Variants in ARHGAP15 observed in about 807,000 individuals in gnomAD.
ARHGAP15 encodes rho GTPase-activating protein 15.
Under a neutral mutation model 63.7 loss-of-function variants are expected in ARHGAP15, and 51 were observed. The observed-to-expected ratio is 0.80, with a 90% CI of 0.64 to 1.01. The LOEUF (loss-of-function observed/expected upper bound fraction) is 1.01, where lower values mean the gene tolerates loss of function less well. Among genes scored for constraint, ARHGAP15 ranks in the 50% least tolerant of loss-of-function variants. The pLI is 0.00. For synonymous variants in ARHGAP15, 191 were observed against 193.8 expected, an observed-to-expected ratio of 0.99 and a Z score of 0.12; for missense variants, 560 against 564.6, an observed-to-expected ratio of 0.99 and a Z score of 0.08.
At chr2:143,366,590 T>A (rs546175029) in intron 6 of ARHGAP15, among the ~76,000 whole-genome samples, 5 of 152,250 alleles carry the variant, frequency 3.3e-5, no homozygotes, top group Non-Finnish European at 7.4e-5. Flanking sequence ...TGGTATCGAC[T>A]TTTTGTGAAT....
At chr2:143,144,032 C>T (rs899949974) in intron 1 of ARHGAP15, among the ~76,000 whole-genome samples, 2 of 151,954 alleles carry the variant, frequency 1.3e-5, no homozygotes, top group African/African-American at 2.4e-5. Flanking sequence ...TTTTCTGTTC[C>T]TGTGTTAGTT....
chr2:143,287,228 A>G (rs1309032092), intron 6 of ARHGAP15, among the ~76,000 whole-genome samples: 1 of 152,208 alleles, frequency 6.6e-6, no homozygotes, highest in Non-Finnish European at 1.5e-5. Context: ...AGTCCTTAGA[A>G]GGGAAGTCTG....
chr2:143,645,072 T>C (rs1680804451), intron 12 of ARHGAP15, among the ~76,000 whole-genome samples: 1 of 152,092 alleles, frequency 6.6e-6, no homozygotes, highest in Non-Finnish European at 1.5e-5. Flanking sequence ...ATTACATAGG[T>C]TTGAGATTGT....
chr2:143,483,949 C>A (rs754720367), intron 8 of ARHGAP15, among the ~76,000 whole-genome samples: 1 of 152,118 alleles, frequency 6.6e-6, no homozygotes, highest in Non-Finnish European at 1.5e-5. Flanking sequence ...GCCAGACAGG[C>A]GGCCATGGTG....
At position 143,532,917 on chromosome 2, in the gene ARHGAP15, A is replaced by G. The variant is rs570430330; in HGVS notation, c.925+13553A>G. Among the ~76,000 whole-genome samples the G allele has an allele frequency of 2.0e-5, 3 of 152,298 alleles. No homozygotes were observed. In the South Asian group the frequency reaches 6.2e-4, roughly 32 times the overall value. On this transcript the variant is annotated intron_variant, in intron 10 of 13. Coordinates refer to ENST00000295095, the MANE Select transcript of ARHGAP15 (RefSeq NM_018460.4). ...CATACATTTCTAATTAATTCCCCAA[A>G]CTTCCGTTACCAAAAAACTCAAACA...
intron 12 of ARHGAP15, among the ~76,000 whole-genome samples, chr2:143,666,106 C>G (rs867716688): frequency 0.039 from 5,776 of 147,126 alleles, 151 homozygotes; most frequent in East Asian, 0.099. Context: ...AGCCCACATC[C>G]CCAAGGCAAT....
intron 9 of ARHGAP15, among the ~76,000 whole-genome samples, chr2:143,504,520 G>A (rs1035465844): frequency 6.6e-6 from 1 of 152,112 alleles, no homozygotes; most frequent in African/African-American, 2.4e-5. Context: ...CTACGTAATC[G>A]CAATGGCCAA....
intron 6 of ARHGAP15, among the ~76,000 whole-genome samples, chr2:143,292,323 T>C (rs1682442022): frequency 6.6e-6 from 1 of 152,166 alleles, no homozygotes; most frequent in African/African-American, 2.4e-5. Flanking sequence ...ACAAATGTAT[T>C]TTCTCAATAT....
intron 12 of ARHGAP15, among the ~76,000 whole-genome samples, chr2:143,652,576 T>C (rs1445584172): frequency 1.3e-5 from 2 of 152,086 alleles, no homozygotes; most frequent in African/African-American, 4.8e-5. Context: ...ACAAGTTATA[T>C]CTCATTATTT....
chr2:143,496,928 T>A (rs1293099108), intron 9 of ARHGAP15, among the ~76,000 whole-genome samples: 1 of 152,234 alleles, frequency 6.6e-6, no homozygotes, highest in Non-Finnish European at 1.5e-5. Flanking sequence ...CTGTGGACTA[T>A]GTATCCTTAA....
At chr2:143,657,723 T>C (rs776433925) in intron 12 of ARHGAP15, among the ~76,000 whole-genome samples, 14 of 152,246 alleles carry the variant, frequency 9.2e-5, no homozygotes, top group Non-Finnish European at 2.1e-4. Context: ...ATCATATCGC[T>C]TATTGCTTAA....
chr2:143,585,070 G>C (rs569513155), intron 11 of ARHGAP15, among the ~76,000 whole-genome samples: 7 of 152,122 alleles, frequency 4.6e-5, no homozygotes, highest in Non-Finnish European at 1.5e-5. Context: ...GGTTTAAAAT[G>C]TTCTTTCTAA....
At chr2:143,272,650 G>A (rs550303119) in intron 6 of ARHGAP15, among the ~76,000 whole-genome samples, 5 of 151,594 alleles carry the variant, frequency 3.3e-5, no homozygotes, top group African/African-American at 4.8e-5. Flanking sequence ...AGACTGCGTC[G>A]CAAAAAAAAT....
intron 6 of ARHGAP15, among the ~76,000 whole-genome samples, chr2:143,320,001 C>A (rs898523842): frequency 1.4e-5 from 2 of 141,304 alleles, no homozygotes; most frequent in African/African-American, 5.0e-5. Flanking sequence ...TACTTATCTA[C>A]ATTTTTTCAG....
chr2:143,479,364 C>T (rs1443577304), intron 8 of ARHGAP15, among the ~76,000 whole-genome samples: 4 of 150,948 alleles, frequency 2.6e-5, no homozygotes, highest in Non-Finnish European at 5.9e-5. Flanking sequence ...CTTTTATGGA[C>T]TGATGTTCAC....
intron 6 of ARHGAP15, among the ~76,000 whole-genome samples, chr2:143,405,695 AG>A (rs1282619746): frequency 1.3e-5 from 2 of 151,920 alleles, no homozygotes; most frequent in Non-Finnish European, 2.9e-5. Context: ...ACATTGTCCA[AG>A]GCCATCTTTT....
intron 12 of ARHGAP15, among the ~76,000 whole-genome samples, chr2:143,634,864 C>A (rs969586019): frequency 6.6e-6 from 1 of 152,052 alleles, no homozygotes; most frequent in Non-Finnish European, 1.5e-5. Context: ...ATAGAACTTA[C>A]GCCTTTATCA....
At chr2:143,605,270 T>C (rs1322420329) in intron 11 of ARHGAP15, among the ~76,000 whole-genome samples, 2 of 152,178 alleles carry the variant, frequency 1.3e-5, no homozygotes, top group Non-Finnish European at 2.9e-5. Context: ...GAGGCTGAGA[T>C]TAAGTGATAA....
Position 143,384,260 on chromosome 2 carries a change from C to T in ARHGAP15, c.475-51341C>T, listed in dbSNP as rs139139407. On this transcript the variant is annotated intron_variant, in intron 6 of 13. Coordinates refer to ENST00000295095, the MANE Select transcript of ARHGAP15 (RefSeq NM_018460.4). ...AAAGATCAGCCTGGCAGCTTGCTGG[C>T]ATGGAACTGGAGTGTTTAGGGTTTG... 4.0e-5 allele frequency among the ~76,000 whole-genome samples: 6 copies of T among 151,758 alleles called. No individual in the cohort carries two copies. In the East Asian group the frequency reaches 9.7e-4, roughly 24 times the overall value.
Sources: gnomAD v4.1 joint callset for allele counts (sites outside exome capture counted in the v4.1 genomes callset) on GRCh38, gnomAD v4.1.1 for gene constraint, MANE v1.5 for transcripts, NCBI Gene and HGNC (gene_info 2026-07-23, HGNC 2026-07-21) for gene names.